SEPSECS: variants seen among roughly 807,000 people sequenced by gnomAD.
SEPSECS encodes Sep (O-phosphoserine) tRNA:Sec (selenocysteine) tRNA synthase, also known as O-phosphoseryl-tRNA(Sec) selenium transferase.
In SEPSECS, 42 loss-of-function variants were observed where a neutral mutation model predicts 52.1. The observed-to-expected ratio is 0.81, with a 90% CI of 0.63 to 1.04. The LOEUF is 1.04. Among genes scored for constraint, SEPSECS ranks in the 50% least tolerant of loss-of-function variants. SEPSECS has a pLI of 0.00. For missense variants in SEPSECS, 590 were observed against 610.6 expected (o/e 0.97, Z 0.36); for synonymous variants, 216 against 211.4 (o/e 1.02, Z -0.19).
chr4:25,127,433 G>GT (rs1728427003), intron 8 of SEPSECS, 76 bp from the exon 9 acceptor site: 1 of 1,051,144 alleles, frequency 9.5e-7, no homozygotes, highest in African/African-American at 1.6e-5. Context: ...AATCTGATTG[G>GT]TATGAAGTCT....
intron 9 of SEPSECS, among the ~76,000 whole-genome samples, 186 bp from the exon 10 acceptor site, chr4:25,125,970 T>G (rs1728348305): frequency 6.6e-6 from 1 of 152,146 alleles, no homozygotes; most frequent in East Asian, 1.9e-4. Context: ...TTAATGTAAA[T>G]TAACATCTCC....
At chr4:25,124,338 A>T in intron 10 of SEPSECS, 113 bp from the exon 11 acceptor site, 1 of 931,536 alleles carries the variant, frequency 1.1e-6, no homozygotes, top group South Asian at 1.5e-5. Flanking sequence ...ACGAAGTTTA[A>T]AACAGCCACA....
At chr4:25,156,760 ACTC>A in intron 3 of SEPSECS, 93 bp downstream of exon 3, 1 of 732,128 alleles carries the variant, frequency 1.4e-6, no homozygotes, top group African/African-American at 1.8e-5. Flanking sequence ...AGCCACTCAT[ACTC>A]TTTTTGGAAA....
intron 4 of SEPSECS, among the ~76,000 whole-genome samples, chr4:25,155,695 T>C (rs534003767): frequency 2.6e-5 from 4 of 152,312 alleles, no homozygotes; most frequent in African/African-American, 9.6e-5. Context: ...ATCCATCTCA[T>C]AGCCTACAAA....
At chr4:25,159,523 G>A (rs1464341391) in intron 1 of SEPSECS, 1 of 423,172 alleles carries the variant, frequency 2.4e-6, no homozygotes, top group Non-Finnish European at 4.7e-6. Flanking sequence ...TGTAATCCGA[G>A]CACTTTGGAA....
At chr4:25,138,018 C>T (rs761883303) in intron 8 of SEPSECS, among the ~76,000 whole-genome samples, 7 of 152,146 alleles carry the variant, frequency 4.6e-5, no homozygotes, top group Admixed American at 1.3e-4. Context: ...ACAATGAGAA[C>T]GCACAAACAC....
In SEPSECS at chr4:25,155,090, T is replaced by C. The variant is rs1421663368; in HGVS notation, c.609A>G (p.Lys203=). Residue 203 remains lysine, a synonymous_variant, in exon 5 of 11, where the codon AAA becomes AAG. Coordinates refer to ENST00000382103, the MANE Select transcript of SEPSECS (RefSeq NM_016955.4). ...GTTCCTGGACTTTAGCCTCCACTGC[T>C]TTCAGGTCTGTACGCAGCTCGTCAC... ...LEGDELRTDL[K]AVEAKVQELG... is the part of the protein sequence containing the mutation. 6.2e-7 allele frequency: 1 copy of C among 1,614,032 alleles called. No homozygotes were observed. The highest frequency in any genetic ancestry group is 1.3e-5 in the African/African-American group (1 of 74,924).
rs574254322 is a variant in SEPSECS, at chr4:25,136,449, C to T, written c.1026+8325G>A. 3.0e-4 allele frequency among the ~76,000 whole-genome samples: 45 copies of T among 151,912 alleles called. 1 individual carries two copies. Among genetic ancestry groups the T allele is most frequent in the Admixed American group, 2.4e-3 (36 of 15,238 alleles). The stretch of plus-strand genomic sequence containing the variant: ...CAAATCATTCATGATTTGGCTCTCA[C>T]AATTCACATTCACAATTACTGCAAA... On this transcript the variant is annotated intron_variant, in intron 8 of 10. Transcript: ENST00000382103.
At chr4:25,158,686 C>T (rs1199556503) in intron 2 of SEPSECS, among the ~76,000 whole-genome samples, 1 of 152,032 alleles carries the variant, frequency 6.6e-6, no homozygotes, top group African/African-American at 2.4e-5. Flanking sequence ...GTAACCGTTC[C>T]TAAGAAAACG....
rs781642082 is a variant in SEPSECS at position 25,125,693 on chromosome 4, C to T, written c.1211+1G>A. The T allele has an allele frequency of 6.2e-7, 1 of 1,604,478 alleles. No individual in the cohort carries two copies. Among genetic ancestry groups the T allele is most frequent in the Non-Finnish European group, 8.5e-7 (1 of 1,172,040 alleles). On this transcript the variant is annotated splice_donor_variant, in intron 10 of 10. Coordinates refer to ENST00000382103, the MANE Select transcript of SEPSECS (RefSeq NM_016955.4). LOFTEE classifies it high-confidence loss of function. The stretch of plus-strand genomic sequence containing the variant: ...CCCATATCTATCTTAAACATACTTA[C>T]CTGGCTCCAGAAACCTGTCTGGTAA...
rs1447073999 is a variant in SEPSECS, at chr4:25,121,171, G to T, written c.*2760C>A. The stretch of plus-strand genomic sequence containing the variant: ...TTACAGTTGAACACCAGGTTCCTAA[G>T]GCTGGCGTCACATATCATTCCCTGA... On this transcript the variant is annotated 3_prime_UTR_variant, in exon 11 of 11. Transcript: ENST00000382103. 6.6e-6 allele frequency: 1 copy of T among 152,086 alleles called. No individual in the cohort carries two copies. The highest frequency in any genetic ancestry group is 2.4e-5 in the African/African-American group (1 of 41,424). The allele number at this position is 152,086 out of a possible 1,614,324, so 9.4% of individuals were successfully genotyped here. A position where few individuals can be genotyped will look rare whatever the true frequency, so the allele number is the denominator to read the frequency against.
At chr4:25,127,495 C>T (rs1299759464) in intron 8 of SEPSECS, 138 bp from the exon 9 acceptor site, 5 of 670,332 alleles carry the variant, frequency 7.5e-6, no homozygotes, top group Non-Finnish European at 1.3e-5. Flanking sequence ...TCTCCTTTGC[C>T]ACAATACAGT....
At chr4:25,124,794 G>T (rs963005419) in intron 10 of SEPSECS, among the ~76,000 whole-genome samples, 10 of 151,990 alleles carry the variant, frequency 6.6e-5, no homozygotes, top group African/African-American at 2.4e-4. Context: ...TAGTGGGGTG[G>T]TAGTCAGCAA....
rs751823145 is a variant in SEPSECS at position 25,124,180 on chromosome 4, G to C, written c.1257C>G (p.Phe419Leu). 2.7e-5 allele frequency: 44 copies of C among 1,613,598 alleles called. No individual in the cohort carries two copies. The highest frequency in any genetic ancestry group is 3.6e-5 in the Non-Finnish European group (42 of 1,179,696). ...GSMQTVSGYT[F>L]RGFMSHTNNY... ...TATTTGTATGTGACATAAAGCCTCT[G>C]AAAGTATAGCCACTCACAGTTTGCA... Residue 419 changes from phenylalanine to leucine, a missense_variant, in exon 11 of 11, where the codon TTC becomes TTG. By Grantham distance (22) the Phe-to-Leu change is conservative (BLOSUM62 0). Coordinates refer to ENST00000382103, the MANE Select transcript of SEPSECS (RefSeq NM_016955.4).
At chr4:25,136,570 C>T (rs1728851049) in intron 8 of SEPSECS, among the ~76,000 whole-genome samples, 2 of 152,090 alleles carry the variant, frequency 1.3e-5, no homozygotes, top group South Asian at 2.1e-4. Flanking sequence ...AGAGAGGACA[C>T]AAACAAATGT....
chr4:25,159,835 G>T, intron 1 of SEPSECS: 1 of 1,088,030 alleles, frequency 9.2e-7, no homozygotes, highest in South Asian at 2.3e-5. Flanking sequence ...GCAGGAGGGA[G>T]ACCTGTGAAG....
At chr4:25,124,554 T>C (rs1370340910) in intron 10 of SEPSECS, among the ~76,000 whole-genome samples, 1 of 152,168 alleles carries the variant, frequency 6.6e-6, no homozygotes, top group Non-Finnish European at 1.5e-5. Context: ...TAAACACCTC[T>C]ACATCTTCTT....
intron 6 of SEPSECS, among the ~76,000 whole-genome samples, chr4:25,148,093 C>T (rs964289797): frequency 9.9e-5 from 15 of 152,118 alleles, no homozygotes; most frequent in African/African-American, 3.4e-4. Context: ...TGGCTCACAT[C>T]TGTAATCCCA....
intron 6 of SEPSECS, 136 bp downstream of exon 6, chr4:25,151,824 A>G (rs1368174002): frequency 3.0e-6 from 2 of 659,000 alleles, no homozygotes; most frequent in East Asian, 5.7e-5. Flanking sequence ...TATCAGATGT[A>G]AGTTCCTAAC....
Sources: allele counts gnomAD v4.1 joint callset (sites outside exome capture counted in the v4.1 genomes callset), GRCh38; gene constraint gnomAD v4.1.1; transcripts MANE v1.5; gene names NCBI Gene and HGNC (gene_info 2026-07-23, HGNC 2026-07-21).